The following HOMER2 variants were observed in gnomAD, a reference collection of about 807,000 sequenced individuals.
The protein encoded by HOMER2 is homer scaffold protein 2, also known as homer protein homolog 2.
Under a neutral mutation model 47.0 loss-of-function variants are expected in HOMER2, and 27 were observed. The ratio of observed to expected loss-of-function variants is 0.57; its 90% CI spans 0.42 to 0.79. The LOEUF (loss-of-function observed/expected upper bound fraction) is 0.79, where lower values mean the gene tolerates loss of function less well. Among genes scored for constraint, HOMER2 ranks in the 30% least tolerant of loss-of-function variants. HOMER2 has a pLI of 0.00. For missense variants in HOMER2, 443 were observed against 435.0 expected (o/e 1.02, Z -0.16); for synonymous variants, 161 against 163.8 (o/e 0.98, Z 0.13).
intron 1 of HOMER2, among the ~76,000 whole-genome samples, chr15:82,896,874 C>A (rs2052939836): frequency 6.6e-6 from 1 of 152,056 alleles, no homozygotes; most frequent in Admixed American, 6.6e-5. Context: ...AAAAGAAAGG[C>A]AAGGAGAAGA....
intron 1 of HOMER2, among the ~76,000 whole-genome samples, chr15:82,966,482 C>T (rs898799527): frequency 6.6e-6 from 1 of 152,172 alleles, no homozygotes; most frequent in East Asian, 1.9e-4. Flanking sequence ...CACCCTGTTG[C>T]TCCCTGACTC....
intron 1 of HOMER2, among the ~76,000 whole-genome samples, chr15:82,922,267 T>C (rs951128018): frequency 6.6e-6 from 1 of 152,208 alleles, no homozygotes; most frequent in African/African-American, 2.4e-5. Context: ...GGTTTCCTCT[T>C]TCCAGGATTT....
At chr15:82,939,062 A>G (rs1282059933) in intron 1 of HOMER2, among the ~76,000 whole-genome samples, 2 of 152,122 alleles carry the variant, frequency 1.3e-5, no homozygotes, top group Non-Finnish European at 2.9e-5. Flanking sequence ...ATGGCTCCCA[A>G]ATCTGTATCT....
chr15:82,866,326 T>C (rs976590853), intron 3 of HOMER2, among the ~76,000 whole-genome samples: 1 of 152,242 alleles, frequency 6.6e-6, no homozygotes, highest in Non-Finnish European at 1.5e-5. Flanking sequence ...ATTTCTCCCA[T>C]TTGGAATAGG....
exon 2 of HOMER2, chr15:82,838,009 G>C (rs1342548278): frequency 1.3e-5 from 2 of 152,458 alleles, no homozygotes; most frequent in African/African-American, 2.4e-5. Context: ...AATGGAGTTG[G>C]AGCAGGAAAG....
chr15:82,962,001 T>C lies in HOMER2; in HGVS notation n.83-2693A>G, dbSNP rs552239362. Among the ~76,000 whole-genome samples, 3 of 152,080 alleles carry C rather than the reference T, an allele frequency of 2.0e-5. No individual in the cohort carries two copies. The South Asian group carries it at 6.2e-4, about 32-fold the overall frequency. The stretch of plus-strand genomic sequence containing the variant: ...CTGGTCTCAAACCTGTGACCTCAGG[T>C]GATCCACCCACCTCGGCCTCCCAAA... On this transcript the variant is annotated intron_variant and non_coding_transcript_variant, in intron 1 of 1. Transcript: ENST00000500334.
intron 1 of HOMER2, among the ~76,000 whole-genome samples, chr15:82,914,770 G>A (rs1025545178): frequency 2.0e-5 from 3 of 152,184 alleles, no homozygotes; most frequent in African/African-American, 4.8e-5. Context: ...TGGTGAGGTC[G>A]GGGATGGCTT....
chr15:82,941,806 T>C (rs2054273691), intron 1 of HOMER2, among the ~76,000 whole-genome samples: 2 of 152,190 alleles, frequency 1.3e-5, no homozygotes, highest in South Asian at 4.1e-4. Flanking sequence ...ATGCCTATTA[T>C]TAATAGCTAA....
chr15:82,971,056 A>G (rs959847501), intron 1 of HOMER2, among the ~76,000 whole-genome samples: 6 of 152,210 alleles, frequency 3.9e-5, no homozygotes, highest in African/African-American at 1.4e-4. Context: ...GATGGGAAGA[A>G]AACAGTCCAT....
chr15:82,920,293 C>A (rs896686111), intron 1 of HOMER2, among the ~76,000 whole-genome samples: 24 of 152,132 alleles, frequency 1.6e-4, no homozygotes, highest in Non-Finnish European at 2.6e-4. Flanking sequence ...CTTTACTTTC[C>A]CCCTTATACT....
Position 82,872,771 on chromosome 15 carries a change from G to C in HOMER2, c.294+2502C>G, listed in dbSNP as rs151254243. Among the ~76,000 whole-genome samples the C allele has an allele frequency of 7.9e-3, 1,200 of 152,312 alleles. 9 individuals are homozygous for C. The highest frequency in any genetic ancestry group is 0.014 in the Non-Finnish European group (934 of 68,032). On this transcript the variant is annotated intron_variant, in intron 3 of 8. Coordinates refer to ENST00000450735, the MANE Select transcript of HOMER2 (RefSeq NM_004839.4). ...TGTGGACAAACCCCGAACATCTCAT[G>C]GTGCCACATGCACAGCAGAGGTGGC...
At chr15:82,852,555 G>T (rs2051431251) in intron 6 of HOMER2, 1 of 296,082 alleles carries the variant, frequency 3.4e-6, no homozygotes, top group Non-Finnish European at 6.2e-6. Flanking sequence ...TCATGGCCGT[G>T]AAGAAGTAGA....
downstream of HOMER2, chr15:82,835,041 C>T (rs2051109127): frequency 6.6e-6 from 1 of 152,208 alleles, no homozygotes; most frequent in African/African-American, 2.4e-5. Flanking sequence ...TGATATTACT[C>T]CTGGGTCTCC....
intron 1 of HOMER2, among the ~76,000 whole-genome samples, chr15:82,933,695 C>T (rs1288071000): frequency 6.6e-6 from 1 of 152,228 alleles, no homozygotes; most frequent in African/African-American, 2.4e-5. Flanking sequence ...GGGAGCGGGG[C>T]AGGCCCACTG....
chr15:82,900,586 C>A (rs1250871770), intron 1 of HOMER2, among the ~76,000 whole-genome samples: 1 of 152,182 alleles, frequency 6.6e-6, no homozygotes, highest in Non-Finnish European at 1.5e-5. Context: ...TTATAGCAAA[C>A]AAGGCAGAAG....
chr15:82,952,326 G>C (rs2151242258), intron 1 of HOMER2, among the ~76,000 whole-genome samples: 1 of 152,306 alleles, frequency 6.6e-6, no homozygotes, highest in East Asian at 1.9e-4. Flanking sequence ...GCCCAGGCCA[G>C]GGTGCCCCTG....
At chr15:82,929,217 A>G (rs1327895217) in intron 1 of HOMER2, among the ~76,000 whole-genome samples, 1 of 152,180 alleles carries the variant, frequency 6.6e-6, no homozygotes, top group Non-Finnish European at 1.5e-5. Flanking sequence ...AAGTGATCGT[A>G]ATATACAATC....
chr15:82,954,166 A>G (rs182712404), upstream of HOMER2, among the ~76,000 whole-genome samples: 106 of 152,326 alleles, frequency 7.0e-4, no homozygotes, highest in African/African-American at 2.4e-3. Context: ...AATCAGCAAT[A>G]TCAGGAAAGT....
chr15:82,928,939 C>CAAAAAAAAAAAAAAAAAAAAAAAA (rs1596362215), intron 1 of HOMER2, among the ~76,000 whole-genome samples: 5 of 18,696 alleles, frequency 2.7e-4, no homozygotes, highest in Admixed American at 6.5e-4. Flanking sequence ...AAAATAAAAA[C>CAAAAAAAAAAAAAAAAAAAAAAAA]TAAAAAAAAA....
Sources: gnomAD v4.1 joint callset for allele counts (sites outside exome capture counted in the v4.1 genomes callset) on GRCh38, gnomAD v4.1.1 for gene constraint, MANE v1.5 for transcripts, NCBI Gene and HGNC (gene_info 2026-07-23, HGNC 2026-07-21) for gene names.